Variants in DNAJC5B observed in about 807,000 individuals in gnomAD.
The protein encoded by DNAJC5B is dnaJ homolog subfamily C member 5B.
In DNAJC5B, 23 loss-of-function variants were observed where a neutral mutation model predicts 24.7. The ratio of observed to expected loss-of-function variants is 0.93; its 90% confidence interval spans 0.67 to 1.32. DNAJC5B has a LOEUF of 1.32. DNAJC5B is among the 40% of genes most tolerant of loss of function. The pLI, the probability that DNAJC5B is intolerant of heterozygous loss-of-function variation, is 0.00. For missense variants in DNAJC5B, 238 were observed against 240.8 expected (o/e 0.99, Z 0.08); for synonymous variants, 101 against 90.1 (o/e 1.12, Z -0.68).
At chr8:66,026,403 T>C (rs1298143530) in intron 1 of DNAJC5B, among the ~76,000 whole-genome samples, 1 of 152,244 alleles carries the variant, frequency 6.6e-6, no homozygotes, top group Non-Finnish European at 1.5e-5. Context: ...AAGCAAACTT[T>C]TGAAATGTTT....
At chr8:66,086,924 A>C (rs544174899) in intron 5 of DNAJC5B, among the ~76,000 whole-genome samples, 36 of 152,352 alleles carry the variant, frequency 2.4e-4, no homozygotes, top group African/African-American at 8.4e-4. Context: ...TCTTTACTCC[A>C]GAATAAAAGT....
chr8:66,068,170 C>CATT (rs1807265305), intron 3 of DNAJC5B, among the ~76,000 whole-genome samples: 1 of 152,074 alleles, frequency 6.6e-6, no homozygotes, highest in African/African-American at 2.4e-5. Context: ...CAATGTTTGA[C>CATT]ACAGAGATAA....
At chr8:66,032,964 C>T (rs1806391830) in intron 1 of DNAJC5B, among the ~76,000 whole-genome samples, 1 of 152,204 alleles carries the variant, frequency 6.6e-6, no homozygotes, top group African/African-American at 2.4e-5. Context: ...ATAAGCAGTC[C>T]TCATGGCATT....
At chr8:66,078,946 G>T (rs1366781928) in intron 4 of DNAJC5B, among the ~76,000 whole-genome samples, 1 of 152,148 alleles carries the variant, frequency 6.6e-6, no homozygotes, top group Admixed American at 6.5e-5. Flanking sequence ...AGTCCTCTTT[G>T]TCCCTCTTGC....
chr8:66,088,425 C>T (rs1443589060), intron 5 of DNAJC5B, among the ~76,000 whole-genome samples: 1 of 152,198 alleles, frequency 6.6e-6, no homozygotes, highest in African/African-American at 2.4e-5. Flanking sequence ...ATCATCTTGG[C>T]TATTAACATT....
chr8:66,085,348 G>A (rs1188456903), intron 5 of DNAJC5B, among the ~76,000 whole-genome samples: 3 of 152,156 alleles, frequency 2.0e-5, no homozygotes, highest in Admixed American at 6.5e-5. Context: ...GCTGAGGCAC[G>A]AGAATTGCTT....
At chr8:66,071,718 A>C (rs1042004766) in intron 3 of DNAJC5B, among the ~76,000 whole-genome samples, 4 of 152,224 alleles carry the variant, frequency 2.6e-5, no homozygotes, top group African/African-American at 9.6e-5. Context: ...CCAAAGGATT[A>C]TAAATCATTC....
intron 5 of DNAJC5B, among the ~76,000 whole-genome samples, chr8:66,088,590 G>A (rs1033270828): frequency 3.9e-5 from 6 of 152,052 alleles, no homozygotes; most frequent in African/African-American, 1.4e-4. Flanking sequence ...CCATCTCTTT[G>A]TGAACACATA....
intron 1 of DNAJC5B, among the ~76,000 whole-genome samples, chr8:66,034,051 T>C (rs1806421117): frequency 6.6e-6 from 1 of 152,112 alleles, no homozygotes; most frequent in Non-Finnish European, 1.5e-5. Context: ...TGAGCCTCAG[T>C]TTCTTGATTT....
chr8:66,097,211 T>TC (rs1490968866), intron 5 of DNAJC5B, among the ~76,000 whole-genome samples: 1 of 151,726 alleles, frequency 6.6e-6, no homozygotes, highest in African/African-American at 2.4e-5. Context: ...TCTTTTTTTT[T>TC]TTTTCTTTTA....
intron 1 of DNAJC5B, among the ~76,000 whole-genome samples, chr8:66,042,214 G>T (rs1410058450): frequency 6.6e-6 from 1 of 152,144 alleles, no homozygotes; most frequent in Non-Finnish European, 1.5e-5. Context: ...CTAGAAGTTA[G>T]TCCAGTGTTT....
chr8:66,048,941 C>G (rs1457384354), intron 2 of DNAJC5B, among the ~76,000 whole-genome samples: 1 of 152,132 alleles, frequency 6.6e-6, no homozygotes, highest in Non-Finnish European at 1.5e-5. Flanking sequence ...TGGCATGGTT[C>G]CCAAGCAGAA....
At chr8:66,077,555 A>C (rs762343739) in intron 4 of DNAJC5B, among the ~76,000 whole-genome samples, 2 of 152,148 alleles carry the variant, frequency 1.3e-5, no homozygotes, top group Non-Finnish European at 2.9e-5. Flanking sequence ...TTTGTTTGTG[A>C]ATATTAATAT....
chr8:66,077,482 G>T (rs1196477538), intron 4 of DNAJC5B, among the ~76,000 whole-genome samples: 2 of 152,154 alleles, frequency 1.3e-5, no homozygotes, highest in African/African-American at 4.8e-5. Context: ...TGACTTTCGT[G>T]TGGTAAATTT....
At chr8:66,016,229 A>G in the DNAJC5B span, among the ~76,000 whole-genome samples, 3 of 152,170 alleles carry the variant, frequency 2.0e-5, no homozygotes, top group Non-Finnish European at 2.9e-5. Flanking sequence ...CATGAGTGAT[A>G]TGGTTTGGCT....
chr8:66,075,449 A>G (rs780328232), intron 3 of DNAJC5B, among the ~76,000 whole-genome samples: 17 of 152,208 alleles, frequency 1.1e-4, no homozygotes, highest in Non-Finnish European at 1.9e-4. Flanking sequence ...GTGCTGAAAT[A>G]TAGTAAACAT....
At chr8:66,037,106 G>A (rs1806504901) in intron 1 of DNAJC5B, among the ~76,000 whole-genome samples, 1 of 152,182 alleles carries the variant, frequency 6.6e-6, no homozygotes, top group South Asian at 2.1e-4. Flanking sequence ...TGGGGGAATG[G>A]AGGATTCCCC....
intron 3 of DNAJC5B, chr8:66,058,134 C>T (rs1807006542): frequency 6.6e-6 from 1 of 152,188 alleles, no homozygotes; most frequent in African/African-American, 2.4e-5. Context: ...AAGATAATTC[C>T]AAGGAAAGAT....
chr8:66,066,221 A>C (rs1455932461), intron 3 of DNAJC5B, among the ~76,000 whole-genome samples: 1 of 152,220 alleles, frequency 6.6e-6, no homozygotes, highest in Non-Finnish European at 1.5e-5. Context: ...TTAAAAAGTC[A>C]AAAAACAATA....
Sources: gnomAD v4.1 joint callset for allele counts (sites outside exome capture counted in the v4.1 genomes callset) on GRCh38, gnomAD v4.1.1 for gene constraint, MANE v1.5 for transcripts, NCBI Gene and HGNC (gene_info 2026-07-23, HGNC 2026-07-21) for gene names.